Variants in DSE observed in about 807,000 individuals in gnomAD.
DSE encodes the protein dermatan sulfate epimerase.
DSE carries 36 observed loss-of-function variants against 84.4 expected under a neutral mutation model. The observed-to-expected ratio is 0.43, with a 90% CI of 0.33 to 0.56. The LOEUF (loss-of-function observed/expected upper bound fraction) is 0.56. DSE is among the 20% of genes least tolerant of loss of function. The probability of loss-of-function intolerance (pLI) is 0.06; values close to 1 mark genes in which losing one functional copy is unlikely to be tolerated. For missense variants in DSE, 862 were observed against 1,169.6 expected (o/e 0.74, Z 3.84); for synonymous variants, 410 against 430.1 (o/e 0.95, Z 0.58).
chr6:116,279,369 CTCCTCCGCCTCA>C (rs2114635104), intron 2 of DSE: 1 of 1,612,316 alleles, frequency 6.2e-7, no homozygotes, highest in East Asian at 2.2e-5. Flanking sequence ...CTGTCTTCAC[CTCCTCCGCCTCA>C]GCCTCCGCCC....
chr6:116,443,273 A>T lies in DSE; in HGVS notation c.*5928A>T, dbSNP rs950382233. 1 of 152,208 alleles carries T rather than the reference A, an allele frequency of 6.6e-6. No individual in the cohort carries two copies. Among genetic ancestry groups the T allele is most frequent in the African/African-American group, 2.4e-5 (1 of 41,446 alleles). The allele number at this position is 152,208 out of a possible 1,614,324, so 9.4% of individuals were successfully genotyped here. A position where few individuals can be genotyped will look rare whatever the true frequency, so the allele number is the denominator to read the frequency against. ...GAAAGATAATGAGTCAAGGATCCCT[A>T]ATGGTATATATGTCTGAGTCTTATT... On this transcript the variant is annotated 3_prime_UTR_variant, in exon 6 of 6. Coordinates refer to ENST00000644252, the MANE Select transcript of DSE (RefSeq NM_013352.4).
chr6:116,378,840 A>G (rs1028215715), intron 1 of DSE, among the ~76,000 whole-genome samples: 1 of 151,702 alleles, frequency 6.6e-6, no homozygotes, highest in African/African-American at 2.4e-5. Context: ...ATCATTTTCT[A>G]TGGTAGAACC....
intron 1 of DSE, among the ~76,000 whole-genome samples, chr6:116,398,801 T>C (rs1336043239): frequency 6.6e-6 from 1 of 152,242 alleles, no homozygotes; most frequent in Non-Finnish European, 1.5e-5. Context: ...TTGTAATGTC[T>C]ACTCAGATTC....
chr6:116,279,944 C>A lies in DSE; in HGVS notation c.-54+20977C>A, dbSNP rs987118153. 141 of 1,499,230 alleles carry A rather than the reference C, an allele frequency of 9.4e-5. 2 individuals are homozygous for A. Among genetic ancestry groups the A allele is most frequent in the Middle Eastern group, 3.8e-4 (2 of 5,310 alleles). 92.9% of individuals were successfully genotyped at this position (1,499,230 alleles called of 1,614,324 possible). ...TACAGTCTCACTAACATTTCAGCGG[C>A]GGTGTCGTCAGGACTGGAGATCTCA... On this transcript the variant is annotated intron_variant, in intron 2 of 3. Transcript: ENST00000430252.
intron 2 of DSE, among the ~76,000 whole-genome samples, chr6:116,361,027 A>T (rs1404090193): frequency 6.6e-6 from 1 of 152,172 alleles, no homozygotes; most frequent in Admixed American, 6.5e-5. Context: ...TTCTAATATT[A>T]AAAGAGATTT....
intron 2 of DSE, among the ~76,000 whole-genome samples, chr6:116,403,617 C>T (rs563800401): frequency 3.9e-5 from 6 of 152,082 alleles, no homozygotes; most frequent in East Asian, 1.9e-4. Flanking sequence ...GCATCTAAAA[C>T]GCACCATGAG....
At chr6:116,397,559 AT>A (rs1781341823) in intron 1 of DSE, among the ~76,000 whole-genome samples, 1 of 152,084 alleles carries the variant, frequency 6.6e-6, no homozygotes, top group South Asian at 2.1e-4. Flanking sequence ...GGGACTGAGC[AT>A]TACCTCAGAC....
chr6:116,303,858 C>G (rs943631810), intron 2 of DSE, among the ~76,000 whole-genome samples: 1 of 152,008 alleles, frequency 6.6e-6, no homozygotes, highest in East Asian at 1.9e-4. Flanking sequence ...AGTGGGGGCC[C>G]GGTGCGGTGG....
At chr6:116,276,151 T>C (rs1476077382) in intron 2 of DSE, among the ~76,000 whole-genome samples, 1 of 152,206 alleles carries the variant, frequency 6.6e-6, no homozygotes, top group East Asian at 1.9e-4. Context: ...AGAAAGACTT[T>C]GGCAGAGGAA....
chr6:116,290,929 T>G (rs1030814169), intron 2 of DSE, among the ~76,000 whole-genome samples: 2 of 152,138 alleles, frequency 1.3e-5, no homozygotes, highest in African/African-American at 4.8e-5. Context: ...AAGCACCCAT[T>G]CTAAGTTTGC....
intron 2 of DSE, among the ~76,000 whole-genome samples, chr6:116,310,269 C>G (rs916126728): frequency 6.6e-6 from 1 of 151,916 alleles, no homozygotes; most frequent in Admixed American, 6.6e-5. Context: ...AGGGTGTGGC[C>G]GTGGTCCTCT....
At chr6:116,324,705 C>T (rs1022712995) in intron 2 of DSE, among the ~76,000 whole-genome samples, 2 of 152,126 alleles carry the variant, frequency 1.3e-5, no homozygotes, top group South Asian at 2.1e-4. Flanking sequence ...ATTGGTAGCT[C>T]GAGGAGCCTG....
At chr6:116,316,722 C>G (rs1775997679) in intron 2 of DSE, among the ~76,000 whole-genome samples, 1 of 152,016 alleles carries the variant, frequency 6.6e-6, no homozygotes, top group Admixed American at 6.6e-5. Flanking sequence ...ACTTCCTTAT[C>G]CTGAAACTAA....
chr6:116,431,079 A>G lies in DSE; in HGVS notation c.796A>G (p.Thr266Ala), dbSNP rs1283836708. 1.2e-6 allele frequency: 2 copies of G among 1,614,190 alleles called. No individual in the cohort carries two copies. The highest frequency in any genetic ancestry group is 8.5e-7 in the Non-Finnish European group (1 of 1,180,038). ...AGGAGTTGCGTATGGCAGCTACACCACTAGATCACTCTTCCAATACATGTT... is the reference window on the plus strand; with the variant it reads ...AGGAGTTGCGTATGGCAGCTACACCGCTAGATCACTCTTCCAATACATGTT... ...YEGVAYGSYT[T>A]RSLFQYMFLV... Residue 266 changes from threonine (T) to alanine (A), a missense_variant, in exon 4 of 6, where the codon ACT becomes GCT. Physicochemically the swap from Thr to Ala is moderately conservative, Grantham distance 58. Transcript: ENST00000644252.
At chr6:116,336,966 A>G (rs1199353932) in intron 2 of DSE, among the ~76,000 whole-genome samples, 1 of 152,216 alleles carries the variant, frequency 6.6e-6, no homozygotes, top group Non-Finnish European at 1.5e-5. Context: ...TCAAAGCAAC[A>G]AAACAGCATG....
intron 1 of DSE, chr6:116,257,176 T>C (rs1399457812): frequency 2.0e-5 from 3 of 152,182 alleles, no homozygotes. Flanking sequence ...ACCATATACT[T>C]TTATGTGCTT....
At chr6:116,266,986 A>G (rs1221599210) in intron 2 of DSE, among the ~76,000 whole-genome samples, 3 of 152,246 alleles carry the variant, frequency 2.0e-5, no homozygotes, top group African/African-American at 4.8e-5. Flanking sequence ...TCACAGCCTG[A>G]GTAATGCTGT....
Position 116,438,489 on chromosome 6 carries a change from T to A in DSE, c.*1144T>A, listed in dbSNP as rs909775865. On this transcript the variant is annotated 3_prime_UTR_variant, in exon 6 of 6. Coordinates refer to ENST00000644252, the MANE Select transcript of DSE (RefSeq NM_013352.4). ...TTAAAACAATAGCCAATTCTGATAT[T>A]TAAGTAGCACCCAACTTTTAAAAGC... 8.5e-5 allele frequency: 13 copies of A among 152,150 alleles called. No individual in the cohort carries two copies. The highest frequency in any genetic ancestry group is 3.1e-4 in the African/African-American group (13 of 41,446). The allele number at this position is 152,150 out of a possible 1,614,324, so 9.4% of individuals were successfully genotyped here.
At chr6:116,378,108 G>C (rs1780029900) in intron 1 of DSE, among the ~76,000 whole-genome samples, 1 of 152,158 alleles carries the variant, frequency 6.6e-6, no homozygotes, top group South Asian at 2.1e-4. Context: ...TAGCCTGAAA[G>C]GGAACGTTGA....
Sources: gnomAD v4.1 joint callset for allele counts (sites outside exome capture counted in the v4.1 genomes callset) on GRCh38, gnomAD v4.1.1 for gene constraint, MANE v1.5 for transcripts, NCBI Gene and HGNC (gene_info 2026-07-23, HGNC 2026-07-21) for gene names.